Variants in HDAC4 observed in about 807,000 individuals in gnomAD.
HDAC4 encodes the protein histone deacetylase A.
Under a neutral mutation model 135.1 loss-of-function variants are expected in HDAC4, and 16 were observed. That is an observed-to-expected ratio of 0.12 (90% CI 0.08 to 0.18). The LOEUF (loss-of-function observed/expected upper bound fraction) is 0.18. Ranked by LOEUF, HDAC4 falls within the 10% of genes least tolerant of loss-of-function variation. The probability of loss-of-function intolerance (pLI) is 1.00; values close to 1 mark genes in which losing one functional copy is unlikely to be tolerated. For synonymous variants in HDAC4, 685 were observed against 653.4 expected (o/e 1.05, Z -0.74); for missense variants, 1,143 against 1,511.8 (o/e 0.76, Z 4.05).
At chr2:239,237,615 A>G (rs1217010262) in intron 2 of HDAC4, among the ~76,000 whole-genome samples, 1 of 151,992 alleles carries the variant, frequency 6.6e-6, no homozygotes, top group African/African-American at 2.4e-5. Context: ...TCCAAAATAG[A>G]TAATTCCTAG....
At chr2:239,300,285 G>A (rs1007070872) in intron 2 of HDAC4, among the ~76,000 whole-genome samples, 2 of 152,216 alleles carry the variant, frequency 1.3e-5, no homozygotes, top group Admixed American at 6.5e-5. Context: ...CAAACTCTCA[G>A]TCTAGAGCCT....
Position 239,052,962 on chromosome 2 carries a change from G to T in HDAC4, c.*135C>A. 9.8e-7 allele frequency: 1 copy of T among 1,017,714 alleles called. No homozygotes were observed. The highest frequency in any genetic ancestry group is 1.6e-6 in the Non-Finnish European group (1 of 641,734). 63.0% of individuals were successfully genotyped at this position (1,017,714 alleles called of 1,614,324 possible). A position where few individuals can be genotyped will look rare whatever the true frequency, so the allele number is the denominator to read the frequency against. On this transcript the variant is annotated 3_prime_UTR_variant, in exon 27 of 27. Coordinates refer to ENST00000543185, the MANE Select transcript of HDAC4 (RefSeq NM_001378414.1). Reference sequence around the variant, plus strand: ...CTGGGCGGCAGAAAGGCTTCCCGTGGCTGTTGCACGCTGGGTGTCCCTGGG... The same window carrying T: ...CTGGGCGGCAGAAAGGCTTCCCGTGTCTGTTGCACGCTGGGTGTCCCTGGG...
intron 2 of HDAC4, among the ~76,000 whole-genome samples, chr2:239,310,881 C>T (rs1330019868): frequency 1.3e-5 from 2 of 152,196 alleles, no homozygotes; most frequent in African/African-American, 4.8e-5. Context: ...TGCCCTGTGC[C>T]AGGTTAGCCA....
intron 25 of HDAC4, 75 bp from the exon 26 acceptor site, chr2:239,053,676 G>A (rs2031265342): frequency 1.5e-6 from 2 of 1,323,862 alleles, no homozygotes; most frequent in African/African-American, 1.4e-5. Context: ...GGAAGGTCCT[G>A]CGGGACCCTG....
intron 17 of HDAC4, chr2:239,093,827 C>T: frequency 2.0e-6 from 1 of 512,226 alleles, no homozygotes; most frequent in Non-Finnish European, 2.5e-6. Context: ...GGCTGCAGGG[C>T]AGTGCAAATT....
At chr2:239,227,009 T>C (rs961799625) in intron 3 of HDAC4, among the ~76,000 whole-genome samples, 4 of 151,994 alleles carry the variant, frequency 2.6e-5, no homozygotes, top group African/African-American at 7.3e-5. Context: ...ACACAGGAGA[T>C]GAGAGAGCAG....
intron 3 of HDAC4, among the ~76,000 whole-genome samples, chr2:239,232,293 T>A (rs2047620661): frequency 6.6e-6 from 1 of 152,250 alleles, no homozygotes; most frequent in African/African-American, 2.4e-5. Flanking sequence ...CCCTTGGGCA[T>A]AGTTGGGTTT....
rs571199919 is a variant in HDAC4 at position 239,179,378 on chromosome 2, C to T, written c.340-2815G>A. Among the ~76,000 whole-genome samples, 14 of 152,338 alleles carry T rather than the reference C, an allele frequency of 9.2e-5. No homozygotes were observed. In the South Asian group the frequency reaches 1.0e-3, roughly 11 times the overall value. On this transcript the variant is annotated intron_variant, in intron 4 of 26. Coordinates refer to ENST00000543185, the MANE Select transcript of HDAC4 (RefSeq NM_001378414.1). ...TAAGTGGCAGGCTAGGGAGCATTCC[C>T]GCCAGAGCTCAAGCTCCTGCTGGAT...
intron 6 of HDAC4, chr2:239,162,143 C>A (rs1404738152): frequency 2.2e-6 from 1 of 456,814 alleles, no homozygotes; most frequent in Non-Finnish European, 4.4e-6. Flanking sequence ...CTGCTCTAGT[C>A]CTCCAACTCC....
intron 1 of HDAC4, among the ~76,000 whole-genome samples, chr2:239,384,382 G>A (rs1250941224): frequency 6.6e-6 from 1 of 151,026 alleles, no homozygotes; most frequent in Non-Finnish European, 1.5e-5. Flanking sequence ...AGGTGGCCTA[G>A]GTGGGAGGAT....
intron 2 of HDAC4, among the ~76,000 whole-genome samples, chr2:239,305,888 C>T (rs2052553640): frequency 6.6e-6 from 1 of 152,238 alleles, no homozygotes; most frequent in African/African-American, 2.4e-5. Flanking sequence ...TGCCGCTGCC[C>T]ACACGGGCCC....
chr2:239,339,038 T>C (rs1206968966), intron 2 of HDAC4, among the ~76,000 whole-genome samples: 1 of 152,212 alleles, frequency 6.6e-6, no homozygotes, highest in East Asian at 1.9e-4. Context: ...TTACATAAAA[T>C]CAGAAAATAC....
chr2:239,237,750 G>A (rs2047968349), intron 2 of HDAC4, among the ~76,000 whole-genome samples: 1 of 150,436 alleles, frequency 6.6e-6, no homozygotes, highest in Admixed American at 6.6e-5. Context: ...ACATGGACCT[G>A]CAGGAGCTCA....
rs143446799 is a variant in HDAC4, at chr2:239,128,046, C to T, written c.1295-1352G>A. Among the ~76,000 whole-genome samples, 4 of 152,348 alleles carry T rather than the reference C, an allele frequency of 2.6e-5. No homozygotes were observed. In the East Asian group the frequency reaches 5.8e-4, roughly 22 times the overall value. Reference sequence around the variant, plus strand: ...TAAACCCAGCAAGACCCCAGCAAGGCTGCTCTTCACTACCTTTTCAAAAGT... The same window carrying T: ...TAAACCCAGCAAGACCCCAGCAAGGTTGCTCTTCACTACCTTTTCAAAAGT... On this transcript the variant is annotated intron_variant, in intron 11 of 26. Transcript: ENST00000543185.
chr2:239,181,449 C>A (rs1360600936), intron 4 of HDAC4, among the ~76,000 whole-genome samples: 3 of 152,264 alleles, frequency 2.0e-5, no homozygotes, highest in African/African-American at 7.2e-5. Context: ...AGCGTGTGCG[C>A]AGGAGGGGCA....
rs1004824223 is a variant in HDAC4, at chr2:239,245,954, C to G, written c.23-9290G>C. ...CGTCTGGGAACGTGAGAGTGAGCAA[C>G]GCAGAGGCCTGGCCCCGGCCCAGCA... On this transcript the variant is annotated intron_variant, in intron 2 of 26. Coordinates refer to ENST00000543185, the MANE Select transcript of HDAC4 (RefSeq NM_001378414.1). The surrounding 1 kb of genome is among the most constrained non-coding windows in gnomAD (Gnocchi z 4.4). Among the ~76,000 whole-genome samples the G allele has an allele frequency of 2.0e-5, 3 of 152,172 alleles. No homozygotes were observed. The highest frequency in any genetic ancestry group is 6.5e-5 in the Admixed American group (1 of 15,280).
intron 5 of HDAC4, among the ~76,000 whole-genome samples, chr2:239,166,779 G>A (rs3791523): frequency 0.19 from 28,146 of 152,130 alleles, 3,001 homozygotes; most frequent in Admixed American, 0.32. Context: ...AGGAAAGGCC[G>A]GGCGGTGGGG....
intron 3 of HDAC4, 25 bp downstream of exon 3, chr2:239,236,549 TCAGCGCAGGGCCGGCCGGA>T: frequency 6.7e-7 from 1 of 1,483,854 alleles, no homozygotes; most frequent in East Asian, 2.5e-5. Flanking sequence ...CCTCTTTGGC[TCAGCGCAGGGCCGGCCGGA>T]CAGGGCAGGG....
intron 14 of HDAC4, among the ~76,000 whole-genome samples, chr2:239,109,717 TAATGGC>T (rs1191988017): frequency 6.6e-6 from 1 of 151,942 alleles, no homozygotes; most frequent in Admixed American, 6.6e-5. Context: ...TGGGAGTTTG[TAATGGC>T]AACACAGACA....
Sources: gnomAD v4.1 joint callset for allele counts (sites outside exome capture counted in the v4.1 genomes callset) on GRCh38, gnomAD v4.1.1 for gene constraint, Gnocchi (gnomAD v3.1) non-coding constraint, MANE v1.5 for transcripts, NCBI Gene and HGNC (gene_info 2026-07-23, HGNC 2026-07-21) for gene names.